Variants in RNF213 observed in about 807,000 individuals in gnomAD.
RNF213 encodes the protein ring finger protein 213.
A neutral mutation model predicts 514.4 loss-of-function variants in RNF213; 341 were observed. The ratio of observed to expected loss-of-function variants is 0.66; its 90% CI spans 0.61 to 0.73. RNF213 has a LOEUF of 0.73. Ranked by LOEUF, RNF213 falls within the 30% of genes least tolerant of loss-of-function variation. The probability of loss-of-function intolerance (pLI) is 0.00; values close to 1 mark genes in which losing one functional copy is unlikely to be tolerated. For synonymous variants in RNF213, 2,655 were observed against 2,658.2 expected (o/e 1.00, Z 0.04); for missense variants, 5,767 against 6,615.6 (o/e 0.87, Z 4.45).
chr17:80,362,858 G>A (rs1475671409), intron 39 of RNF213, among the ~76,000 whole-genome samples: 2 of 152,228 alleles, frequency 1.3e-5, no homozygotes, highest in Admixed American at 6.5e-5. Flanking sequence ...TGTTTTTCAA[G>A]TATACTCAGT....
chr17:80,264,360 G>T lies in RNF213; in HGVS notation c.97+582G>T, dbSNP rs1280340498. 1.3e-5 allele frequency among the ~76,000 whole-genome samples: 2 copies of T among 152,100 alleles called. No homozygotes were observed. Among genetic ancestry groups the T allele is most frequent in the South Asian group, 2.1e-4 (1 of 4,832 alleles). ...ACCTGTCCAGGCACCTCCCTGGCTC[G>T]GGAGGCCAGTGGAGAGACAGGAGCG... On this transcript the variant is annotated intron_variant, in intron 2 of 67. Transcript: ENST00000582970. This position sits in a 1 kb window ranked among gnomAD's most constrained non-coding sequence, Gnocchi z 5.0.
At chr17:80,384,897 A>AG in intron 59 of RNF213, 142 bp from the exon 60 acceptor site, 8 of 890,206 alleles carry the variant, frequency 9.0e-6, no homozygotes, top group Non-Finnish European at 1.4e-5. Context: ...CCCGTTTTCA[A>AG]GCTCCACGCT....
In RNF213 at chr17:80,346,386, C is replaced by T. The variant is rs752752683; in HGVS notation, c.8051C>T (p.Ser2684Leu). The stretch of plus-strand genomic sequence containing the variant: ...ACCGAGAGAGATCCCGTCCTCTGGT[C>T]GTTGATGCTGGCCATCGGGGTGTGT... ...NHTERDPVLW[S>L]LMLAIGVCYH... is the part of the protein sequence containing the mutation. Residue 2684 changes from serine (S) to leucine (L), a missense_variant, in exon 29 of 68, where the codon TCG (serine) becomes TTG (leucine). Transcript: ENST00000582970. This position sits in a 1 kb window ranked among gnomAD's most constrained non-coding sequence, Gnocchi z 8.1. The T allele has an allele frequency of 3.1e-6, 5 of 1,613,356 alleles. No individual in the cohort carries two copies. Among genetic ancestry groups the T allele is most frequent in the East Asian group, 2.2e-5 (1 of 44,858 alleles).
chr17:80,301,766 C>T (rs1162629968), intron 11 of RNF213, among the ~76,000 whole-genome samples: 2 of 152,162 alleles, frequency 1.3e-5, no homozygotes, highest in Admixed American at 1.3e-4. Flanking sequence ...ACTGTATGAT[C>T]CAGCAATCGT....
intron 8 of RNF213, among the ~76,000 whole-genome samples, chr17:80,293,522 C>T (rs1256321283): frequency 5.3e-5 from 8 of 151,774 alleles, no homozygotes; most frequent in South Asian, 2.1e-4. Context: ...ATTGATGGCT[C>T]GGTTAAAAGG....
Position 80,343,284 on chromosome 17 carries a change from CAGA to C in RNF213, c.6145_6147del (p.Lys2049del). ...GCTGCCCTTCCTGGATGCGCAGTAT[CAGA>C]AGGTCCCCGTGCTCTTTCACCTGGA... On this transcript the variant is annotated inframe_deletion, in exon 27 of 68. Coordinates refer to ENST00000582970, the MANE Select transcript of RNF213 (RefSeq NM_001256071.3). This position sits in a 1 kb window ranked among gnomAD's most constrained non-coding sequence, Gnocchi z 4.3. 1 of 1,613,460 alleles carries C rather than the reference CAGA, an allele frequency of 6.2e-7. No individual in the cohort carries two copies. Among genetic ancestry groups the C allele is most frequent in the Non-Finnish European group, 8.5e-7 (1 of 1,179,822 alleles).
intron 1 of RNF213, among the ~76,000 whole-genome samples, chr17:80,261,973 C>T (rs2043439277): frequency 6.6e-6 from 1 of 152,180 alleles, no homozygotes; most frequent in South Asian, 2.1e-4. Context: ...GCTGAGATTG[C>T]CCACTGTACT....
intron 64 of RNF213, 21 bp from the exon 65 acceptor site, chr17:80,389,152 C>G: frequency 6.2e-7 from 1 of 1,612,342 alleles, no homozygotes; most frequent in South Asian, 1.1e-5. Flanking sequence ...AGACATCCCT[C>G]TCCTGCTTTT....
chr17:80,292,807 G>A (rs1319909441), intron 8 of RNF213, among the ~76,000 whole-genome samples: 2 of 152,034 alleles, frequency 1.3e-5, no homozygotes, highest in Admixed American at 6.5e-5. Flanking sequence ...CCCCCTCCCT[G>A]CACAGTGACC....
At chr17:80,285,281 T>C (rs1281450521) in intron 3 of RNF213, among the ~76,000 whole-genome samples, 1 of 152,204 alleles carries the variant, frequency 6.6e-6, no homozygotes, top group Non-Finnish European at 1.5e-5. Flanking sequence ...GTGACCCACC[T>C]GGGGTTGCCC....
At chr17:80,348,633 C>T (rs1289915888) in intron 29 of RNF213, among the ~76,000 whole-genome samples, 1 of 152,264 alleles carries the variant, frequency 6.6e-6, no homozygotes, top group Non-Finnish European at 1.5e-5. Flanking sequence ...GAGACCAGCA[C>T]ATGAACAGAT....
At chr17:80,389,056 A>G in intron 64 of RNF213, 117 bp from the exon 65 acceptor site, 1 of 963,448 alleles carries the variant, frequency 1.0e-6, no homozygotes, top group Admixed American at 1.8e-5. Context: ...GTCAGCTGTT[A>G]GAGAGTTGGC....
chr17:80,269,822 T>C (rs940170060), intron 2 of RNF213, among the ~76,000 whole-genome samples: 2 of 152,254 alleles, frequency 1.3e-5, no homozygotes, highest in Non-Finnish European at 2.9e-5. Flanking sequence ...ACATATTCTA[T>C]AGTTCTGCTC....
At chr17:80,319,682 C>A in intron 17 of RNF213, 1 of 1,442,694 alleles carries the variant, frequency 6.9e-7, no homozygotes, top group Non-Finnish European at 9.1e-7. Context: ...GGAAGAGACT[C>A]CAAAGGTTGA....
At position 80,385,867 on chromosome 17, in the gene RNF213, T is replaced by C. The variant is rs1437982527; in HGVS notation, c.14539+246T>C. Among the ~76,000 whole-genome samples, 11 of 152,172 alleles carry C rather than the reference T, an allele frequency of 7.2e-5. 1 individual carries two copies. Among genetic ancestry groups the C allele is most frequent in the Non-Finnish European group, 1.5e-5 (1 of 68,010 alleles). ...CCCTAGTAGAGACAGGGTTTCACCA[T>C]GTTGCCCAGGCTGGTCTCAAACTCC... On this transcript the variant is annotated intron_variant, in intron 61 of 67. Transcript: ENST00000582970.
Position 80,396,085 on chromosome 17 carries a change from A to C in RNF213, c.*2587A>C, listed in dbSNP as rs2080653529. 6.6e-6 allele frequency: 1 copy of C among 152,082 alleles called. No individual in the cohort carries two copies. The allele number at this position is 152,082 out of a possible 1,614,324, so 9.4% of individuals were successfully genotyped here. ...ATTTACCTGAAAATCTTCACAACTGATCATTATCTCCTTCTCTTTGAGACC... is the reference window on the plus strand; with the variant it reads ...ATTTACCTGAAAATCTTCACAACTGCTCATTATCTCCTTCTCTTTGAGACC... On this transcript the variant is annotated 3_prime_UTR_variant, in exon 68 of 68. Coordinates refer to ENST00000582970, the MANE Select transcript of RNF213 (RefSeq NM_001256071.3).
chr17:80,378,431 G>C (rs954909844), intron 54 of RNF213, among the ~76,000 whole-genome samples: 1 of 152,190 alleles, frequency 6.6e-6, no homozygotes, highest in African/African-American at 2.4e-5. Context: ...GGTGGGTTGA[G>C]CTGACACGTG....
intron 21 of RNF213, 117 bp from the exon 22 acceptor site, chr17:80,333,988 T>C: frequency 8.5e-7 from 1 of 1,175,522 alleles, no homozygotes; most frequent in Non-Finnish European, 1.2e-6. Flanking sequence ...GTCACAGCAG[T>C]GGCAAATCTA....
chr17:80,397,498 T>C lies in RNF213; in HGVS notation c.*4000T>C, dbSNP rs960751777. On this transcript the variant is annotated 3_prime_UTR_variant, in exon 68 of 68. Transcript: ENST00000582970. ...CCTAATCAGTGATGCTATCTATAGATTACAGACATTATATAGAAAAGCACC... is the reference window on the plus strand; with the variant it reads ...CCTAATCAGTGATGCTATCTATAGACTACAGACATTATATAGAAAAGCACC... The C allele has an allele frequency of 3.9e-5, 6 of 152,080 alleles. No individual in the cohort carries two copies. Among genetic ancestry groups the C allele is most frequent in the African/African-American group, 1.4e-4 (6 of 41,396 alleles). 9.4% of individuals were successfully genotyped at this position (152,080 alleles called of 1,614,324 possible). A position where few individuals can be genotyped will look rare whatever the true frequency, so the allele number is the denominator to read the frequency against.
Sources: allele counts gnomAD v4.1 joint callset (sites outside exome capture counted in the v4.1 genomes callset), GRCh38; gene constraint gnomAD v4.1.1; non-coding constraint Gnocchi (gnomAD v3.1); transcripts MANE v1.5; gene names NCBI Gene and HGNC (gene_info 2026-07-23, HGNC 2026-07-21).